The following NRG3 variants were observed in gnomAD, a reference collection of about 807,000 sequenced individuals.
The protein encoded by NRG3 is neuregulin 3.
Under a neutral mutation model 66.9 loss-of-function variants are expected in NRG3, and 31 were observed. The observed-to-expected ratio is 0.46, with a 90% confidence interval of 0.35 to 0.63. The LOEUF (loss-of-function observed/expected upper bound fraction) is 0.63, where lower values mean the gene tolerates loss of function less well. Ranked by LOEUF, NRG3 falls within the 20% of genes least tolerant of loss-of-function variation. NRG3 has a pLI of 0.00. For synonymous variants in NRG3, 393 were observed against 359.4 expected (o/e 1.09, Z -1.06); for missense variants, 910 against 878.9 (o/e 1.04, Z -0.45).
chr10:82,967,294 T>C (rs1157850402), intron 6 of NRG3, among the ~76,000 whole-genome samples: 1 of 151,876 alleles, frequency 6.6e-6, no homozygotes. Context: ...AGCATCTGTA[T>C]CTGTATTCTG....
chr10:81,892,299 T>C (rs1170969613), intron 1 of NRG3, among the ~76,000 whole-genome samples: 2 of 151,914 alleles, frequency 1.3e-5, no homozygotes, highest in Non-Finnish European at 2.9e-5. Flanking sequence ...TATATACATA[T>C]TCCAAAAATA....
chr10:82,124,091 T>A (rs2068270543), intron 1 of NRG3, among the ~76,000 whole-genome samples: 1 of 152,078 alleles, frequency 6.6e-6, no homozygotes, highest in Admixed American at 6.6e-5. Flanking sequence ...GTGATCTGCT[T>A]TAGATGATAG....
chr10:82,797,458 C>G (rs1399690079), intron 3 of NRG3, among the ~76,000 whole-genome samples: 1 of 152,132 alleles, frequency 6.6e-6, no homozygotes, highest in Non-Finnish European at 1.5e-5. Flanking sequence ...CCAAAGTCAC[C>G]TACTCAGTGC....
chr10:82,300,937 C>A (rs1057401179), intron 1 of NRG3, among the ~76,000 whole-genome samples: 2 of 151,814 alleles, frequency 1.3e-5, no homozygotes, highest in African/African-American at 4.8e-5. Flanking sequence ...TCAAATTCAG[C>A]CTGGGCAACC....
intron 2 of NRG3, among the ~76,000 whole-genome samples, chr10:82,388,624 A>AG (rs1386728132): frequency 6.6e-6 from 1 of 152,220 alleles, no homozygotes; most frequent in Non-Finnish European, 1.5e-5. Context: ...AAATATGTGA[A>AG]GAAGTGCAGA....
chr10:82,722,767 A>C (rs999899420), intron 2 of NRG3, among the ~76,000 whole-genome samples: 1 of 152,182 alleles, frequency 6.6e-6, no homozygotes, highest in African/African-American at 2.4e-5. Context: ...AATGAGAATG[A>C]AAGTCATTTA....
intron 1 of NRG3, among the ~76,000 whole-genome samples, chr10:82,336,882 C>G (rs2082418437): frequency 6.6e-6 from 1 of 152,092 alleles, no homozygotes; most frequent in South Asian, 2.1e-4. Flanking sequence ...AATTGCTTTC[C>G]AACAATCACA....
In NRG3 at chr10:82,819,129, T is replaced by C. The variant is rs116526523; in HGVS notation, c.1028-46282T>C. On this transcript the variant is annotated intron_variant, in intron 3 of 8. Transcript: ENST00000372141. ...GCCAAGTGTTCAAGCTTTTCCTTAT[T>C]TGAAGGCACATTAATTTTTTAAAAT... 2.4e-3 allele frequency among the ~76,000 whole-genome samples: 359 copies of C among 152,324 alleles called. 5 individuals carry two copies. Among genetic ancestry groups the C allele is most frequent in the African/African-American group, 8.2e-3 (342 of 41,572 alleles).
At chr10:82,417,097 C>T (rs1034162378) in intron 2 of NRG3, among the ~76,000 whole-genome samples, 3 of 152,190 alleles carry the variant, frequency 2.0e-5, no homozygotes, top group Admixed American at 6.5e-5. Flanking sequence ...GTCACTCATT[C>T]TTTCCCTTCA....
chr10:82,165,710 G>T (rs1307998855), intron 1 of NRG3, among the ~76,000 whole-genome samples: 1 of 151,280 alleles, frequency 6.6e-6, no homozygotes, highest in Admixed American at 6.6e-5. Flanking sequence ...TTTTTGAGAG[G>T]GGGCGTGACA....
intron 2 of NRG3, among the ~76,000 whole-genome samples, chr10:82,657,803 T>C (rs1300496392): frequency 6.6e-6 from 1 of 151,310 alleles, no homozygotes; most frequent in East Asian, 1.9e-4. Context: ...ACCTTAAAGA[T>C]ACAAACTACT....
At chr10:82,165,459 T>G (rs2071966638) in intron 1 of NRG3, among the ~76,000 whole-genome samples, 1 of 152,110 alleles carries the variant, frequency 6.6e-6, no homozygotes, top group Non-Finnish European at 1.5e-5. Context: ...ATAGCTTATT[T>G]ATTTTACATA....
chr10:82,839,162 A>T (rs1014696929), intron 3 of NRG3, among the ~76,000 whole-genome samples: 1 of 152,194 alleles, frequency 6.6e-6, no homozygotes, highest in Non-Finnish European at 1.5e-5. Context: ...TGAAAGTTGT[A>T]GTAGGATTTG....
chr10:82,106,508 CTT>C (rs542988401), intron 1 of NRG3, among the ~76,000 whole-genome samples: 47 of 142,504 alleles, frequency 3.3e-4, no homozygotes, highest in African/African-American at 6.7e-4. Context: ...CATAATTAGA[CTT>C]TTTTTTTTTT....
intron 2 of NRG3, among the ~76,000 whole-genome samples, chr10:82,714,430 A>G (rs1054902778): frequency 5.3e-5 from 8 of 152,158 alleles, no homozygotes; most frequent in Non-Finnish European, 8.8e-5. Context: ...TTGCAGAACT[A>G]CCCATACCTC....
intron 1 of NRG3, among the ~76,000 whole-genome samples, chr10:82,195,633 C>T (rs192881399): frequency 6.6e-6 from 1 of 152,110 alleles, no homozygotes; most frequent in Non-Finnish European, 1.5e-5. Context: ...ATGCCCCAAC[C>T]CCCAGAACAT....
At chr10:82,308,374 C>A (rs61864200) in intron 1 of NRG3, among the ~76,000 whole-genome samples, 16,808 of 152,118 alleles carry the variant, frequency 0.11, 1,021 homozygotes, top group Non-Finnish European at 0.14. Flanking sequence ...CAGGCATGAG[C>A]CACCATGCCC....
At chr10:82,329,840 C>G (rs962244025) in intron 1 of NRG3, among the ~76,000 whole-genome samples, 2 of 152,194 alleles carry the variant, frequency 1.3e-5, no homozygotes, top group African/African-American at 2.4e-5. Flanking sequence ...AGGCCACGCT[C>G]TAGGCAGTTC....
intron 1 of NRG3, among the ~76,000 whole-genome samples, chr10:82,239,505 T>A (rs780757808): frequency 1.3e-5 from 2 of 152,196 alleles, no homozygotes; most frequent in African/African-American, 4.8e-5. Context: ...ACAACCATTT[T>A]TTTTGCCAAT....
Sources: allele counts gnomAD v4.1 joint callset (sites outside exome capture counted in the v4.1 genomes callset), GRCh38; gene constraint gnomAD v4.1.1; transcripts MANE v1.5; gene names NCBI Gene and HGNC (gene_info 2026-07-23, HGNC 2026-07-21).